PPARGC1A: variants seen among roughly 807,000 people sequenced by gnomAD.
PPARGC1A encodes the protein PPARG coactivator 1 alpha, also known as peroxisome proliferator-activated receptor gamma coactivator 1-alpha.
Under a neutral mutation model 88.7 loss-of-function variants are expected in PPARGC1A, and 25 were observed. That is an observed-to-expected ratio of 0.28 (90% confidence interval 0.21 to 0.39). The LOEUF (loss-of-function observed/expected upper bound fraction) is 0.39, where lower values mean the gene tolerates loss of function less well. Ranked by LOEUF, PPARGC1A falls within the 10% of genes least tolerant of loss-of-function variation. PPARGC1A has a pLI of 1.00. For synonymous variants in PPARGC1A, 363 were observed against 355.6 expected, an observed-to-expected ratio of 1.02 and a Z score of -0.24; for missense variants, 880 against 968.7, an observed-to-expected ratio of 0.91 and a Z score of 1.22.
chr4:23,988,596 T>C, the PPARGC1A span, among the ~76,000 whole-genome samples: 91,111 of 151,570 alleles, frequency 0.6, 28,102 homozygotes, highest in African/African-American at 0.71. Flanking sequence ...GTACTGAAGA[T>C]TAATTAAATT....
At chr4:23,912,705 A>C in the PPARGC1A span, among the ~76,000 whole-genome samples, 1 of 152,164 alleles carries the variant, frequency 6.6e-6, no homozygotes, top group East Asian at 1.9e-4. Flanking sequence ...TCTGAACTCA[A>C]GACTGCAGTG....
chr4:24,022,834 T>G, the PPARGC1A span, among the ~76,000 whole-genome samples: 1 of 152,182 alleles, frequency 6.6e-6, no homozygotes, highest in African/African-American at 2.4e-5. Context: ...CTTTCCTCTT[T>G]TAAAGATTGA....
At chr4:23,818,067 C>T (rs1312988825) in intron 7 of PPARGC1A, among the ~76,000 whole-genome samples, 1 of 152,178 alleles carries the variant, frequency 6.6e-6, no homozygotes, top group Non-Finnish European at 1.5e-5. Context: ...ACTACCTTTG[C>T]TCATCTTCCC....
chr4:24,207,122 T>C, the PPARGC1A span, among the ~76,000 whole-genome samples: 2 of 152,048 alleles, frequency 1.3e-5, no homozygotes, highest in Non-Finnish European at 2.9e-5. Context: ...TAATTTAACA[T>C]AAAATCAGTC....
the PPARGC1A span, among the ~76,000 whole-genome samples, chr4:24,105,795 C>T: frequency 8.5e-5 from 13 of 152,068 alleles, no homozygotes; most frequent in African/African-American, 2.4e-4. Context: ...GCAGCCAAGC[C>T]GGAGATGTAA....
the PPARGC1A span, among the ~76,000 whole-genome samples, chr4:24,291,439 T>C: frequency 7.1e-6 from 1 of 140,426 alleles, no homozygotes; most frequent in Non-Finnish European, 1.5e-5. Context: ...GAACAATGAA[T>C]CATAGCTCAT....
chr4:24,376,360 G>C, the PPARGC1A span, among the ~76,000 whole-genome samples: 1 of 152,178 alleles, frequency 6.6e-6, no homozygotes, highest in Non-Finnish European at 1.5e-5. Context: ...TGCCAAAGCG[G>C]TCAGCTCTTC....
At chr4:23,841,029 T>C (rs977185962) in intron 2 of PPARGC1A, among the ~76,000 whole-genome samples, 7 of 152,132 alleles carry the variant, frequency 4.6e-5, no homozygotes, top group Admixed American at 2.0e-4. Context: ...AGTGAATCTA[T>C]AGAAGTAAAT....
the PPARGC1A span, among the ~76,000 whole-genome samples, chr4:24,334,471 G>A: frequency 3.9e-5 from 6 of 152,310 alleles, no homozygotes; most frequent in East Asian, 5.8e-4. Flanking sequence ...GAAGTGCTCC[G>A]CAAAGTCAAA....
intron 2 of PPARGC1A, among the ~76,000 whole-genome samples, chr4:23,875,564 T>C (rs1399829966): frequency 6.6e-6 from 1 of 151,906 alleles, no homozygotes; most frequent in East Asian, 1.9e-4. Context: ...CTTATCTCCT[T>C]GCTTTTATGA....
chr4:24,159,493 G>A, the PPARGC1A span, among the ~76,000 whole-genome samples: 1 of 152,112 alleles, frequency 6.6e-6, no homozygotes, highest in Non-Finnish European at 1.5e-5. Flanking sequence ...ACAGGCGTGA[G>A]CCACTGCGCC....
At chr4:24,421,822 T>G in the PPARGC1A span, among the ~76,000 whole-genome samples, 20 of 152,244 alleles carry the variant, frequency 1.3e-4, no homozygotes, top group African/African-American at 4.8e-4. Flanking sequence ...CATGCCTTTA[T>G]CATTTTGTTC....
chr4:24,300,108 T>G, the PPARGC1A span, among the ~76,000 whole-genome samples: 69,254 of 151,966 alleles, frequency 0.46, 17,020 homozygotes, highest in African/African-American at 0.63. Context: ...AGAAGCAAAA[T>G]TGAGGACTCT....
At chr4:24,226,186 G>T in the PPARGC1A span, among the ~76,000 whole-genome samples, 1 of 152,164 alleles carries the variant, frequency 6.6e-6, no homozygotes, top group African/African-American at 2.4e-5. Flanking sequence ...CTGTAAGTTT[G>T]TCTTAAATGT....
At chr4:24,344,609 T>C in the PPARGC1A span, among the ~76,000 whole-genome samples, 1 of 152,062 alleles carries the variant, frequency 6.6e-6, no homozygotes, top group Admixed American at 6.6e-5. Context: ...TTGTTTTTTT[T>C]TTCTTACTGA....
chr4:24,444,441 A>T, the PPARGC1A span, among the ~76,000 whole-genome samples: 5 of 152,112 alleles, frequency 3.3e-5, no homozygotes, highest in Non-Finnish European at 5.9e-5. Flanking sequence ...CAAGCAAAAA[A>T]AATTTAAAAA....
intron 10 of PPARGC1A, among the ~76,000 whole-genome samples, chr4:23,811,973 C>CGTGGTGCGATCTCA: frequency 7.9e-6 from 1 of 126,342 alleles, no homozygotes; most frequent in South Asian, 2.7e-4. Context: ...GCTGGAGTTC[C>CGTGGTGCGATCTCA]GTGGTGCGAT....
the PPARGC1A span, among the ~76,000 whole-genome samples, chr4:24,092,412 A>G: frequency 1.3e-5 from 2 of 152,140 alleles, no homozygotes; most frequent in Non-Finnish European, 2.9e-5. Flanking sequence ...ATTCTTATCT[A>G]ATTGGTCTAA....
At chr4:23,963,655 G>T in the PPARGC1A span, among the ~76,000 whole-genome samples, 3 of 152,150 alleles carry the variant, frequency 2.0e-5, no homozygotes, top group African/African-American at 7.2e-5. Flanking sequence ...AAACCCTAGA[G>T]AGAAGTCAGT....
Sources: allele counts gnomAD v4.1 joint callset (sites outside exome capture counted in the v4.1 genomes callset), GRCh38; gene constraint gnomAD v4.1.1; transcripts MANE v1.5; gene names NCBI Gene and HGNC (gene_info 2026-07-23, HGNC 2026-07-21).